Variants in MCPH1 observed in about 807,000 individuals in gnomAD.
The protein encoded by MCPH1 is microcephalin 1, also known as microcephalin.
In MCPH1, 104 loss-of-function variants were observed where a neutral mutation model predicts 84.5. The ratio of observed to expected loss-of-function variants is 1.23; its 90% CI spans 1.05 to 1.45. The LOEUF is 1.45. MCPH1 is among the 40% of genes most tolerant of loss of function. MCPH1 has a pLI of 0.00. For synonymous variants in MCPH1, 514 were observed against 366.8 expected, an observed-to-expected ratio of 1.40 and a Z score of -4.58; for missense variants, 1,498 against 1,005.7, an observed-to-expected ratio of 1.49 and a Z score of -6.62.
chr8:6,630,251 TG>T (rs1441949237), intron 13 of MCPH1, among the ~76,000 whole-genome samples: 2 of 152,014 alleles, frequency 1.3e-5, no homozygotes, highest in African/African-American at 4.8e-5. Context: ...ATCCTGACAA[TG>T]TTGAAAAAGA....
At chr8:6,457,780 G>C (rs1167422027) in intron 9 of MCPH1, among the ~76,000 whole-genome samples, 2 of 152,096 alleles carry the variant, frequency 1.3e-5, no homozygotes, top group African/African-American at 4.8e-5. Context: ...CAAGACCTAG[G>C]TTTCCCCTCT....
intron 13 of MCPH1, among the ~76,000 whole-genome samples, chr8:6,638,703 G>T (rs2911997): frequency 0.021 from 3,133 of 151,938 alleles, 113 homozygotes; most frequent in African/African-American, 0.071. Flanking sequence ...TCTGTCCTAC[G>T]GCCACATTTT....
chr8:6,506,810 T>G (rs975528828), intron 12 of MCPH1, among the ~76,000 whole-genome samples: 1 of 152,086 alleles, frequency 6.6e-6, no homozygotes, highest in African/African-American at 2.4e-5. Flanking sequence ...GCCTGATTCT[T>G]TCAGCATAAA....
At chr8:6,436,279 C>G (rs1469542735) in intron 5 of MCPH1, 117 bp downstream of exon 5, 1 of 1,147,812 alleles carries the variant, frequency 8.7e-7, no homozygotes, top group Admixed American at 2.6e-5. Context: ...GATAGCTTTA[C>G]TCTATGAAGG....
intron 3 of MCPH1, among the ~76,000 whole-genome samples, chr8:6,429,242 G>A (rs1801492367): frequency 6.6e-6 from 1 of 152,138 alleles, no homozygotes; most frequent in Non-Finnish European, 1.5e-5. Context: ...CCTGAGCTTG[G>A]CCTGGTGTCC....
intron 8 of MCPH1, among the ~76,000 whole-genome samples, chr8:6,449,649 A>G (rs575887237): frequency 6.6e-6 from 1 of 152,240 alleles, no homozygotes; most frequent in Non-Finnish European, 1.5e-5. Context: ...GAAAAAAAAA[A>G]AAAGAAATAG....
Position 6,609,828 on chromosome 8 carries a change from C to CA in MCPH1, c.2215-11626_2215-11625insA, listed in dbSNP as rs1554476434. 6.8e-4 allele frequency among the ~76,000 whole-genome samples: 74 copies of CA among 108,854 alleles called. 4 individuals are homozygous for CA. The highest frequency in any genetic ancestry group is 1.9e-3 in the East Asian group (8 of 4,318). The allele number at this position is 108,854 out of a possible 152,430, so 71.4% of individuals were successfully genotyped here. ...CAAAGCAATGCCCCCCGCCCCCCCC[C>CA]CACACACAGACTGCCAGGTAAACCA... On this transcript the variant is annotated intron_variant, in intron 12 of 13. Coordinates refer to ENST00000344683, the MANE Select transcript of MCPH1 (RefSeq NM_024596.5).
chr8:6,582,555 A>G (rs1827642024), intron 12 of MCPH1, among the ~76,000 whole-genome samples: 1 of 151,978 alleles, frequency 6.6e-6, no homozygotes, highest in African/African-American at 2.4e-5. Flanking sequence ...TTTTAATGCT[A>G]TTTTTTGTTT....
chr8:6,591,565 A>G (rs1828461680), intron 12 of MCPH1, among the ~76,000 whole-genome samples: 1 of 152,226 alleles, frequency 6.6e-6, no homozygotes, highest in Non-Finnish European at 1.5e-5. Context: ...AGAGTATCCT[A>G]AGAGCACTTT....
intron 13 of MCPH1, among the ~76,000 whole-genome samples, chr8:6,622,677 C>T (rs1184294132): frequency 6.6e-6 from 1 of 152,162 alleles, no homozygotes; most frequent in African/African-American, 2.4e-5. Flanking sequence ...TCCCCTGAGG[C>T]CTCTCTCCTG....
At position 6,439,052 on chromosome 8, in the gene MCPH1, G is replaced by A; in HGVS notation, c.536G>A (p.Arg179Lys). The change falls in exon 6 of 14, where the codon AGA (arginine) becomes AAA (lysine). Residue 179 changes from arginine to lysine, a missense_variant. Coordinates refer to ENST00000344683, the MANE Select transcript of MCPH1 (RefSeq NM_024596.5). ...NSRHHSAMEK[R>K]LQEMKEKREN... ...AGGCACCACAGCGCAATGGAGAAGAGATTACAAGAGATGAAGGAGAAAAGG... is the reference window on the plus strand; with the variant it reads ...AGGCACCACAGCGCAATGGAGAAGAAATTACAAGAGATGAAGGAGAAAAGG... 1 of 1,613,442 alleles carries A rather than the reference G, an allele frequency of 6.2e-7. No individual in the cohort carries two copies. Among genetic ancestry groups the A allele is most frequent in the South Asian group, 1.1e-5 (1 of 91,068 alleles).
chr8:6,534,688 C>G (rs1820182070), intron 12 of MCPH1, among the ~76,000 whole-genome samples: 1 of 152,020 alleles, frequency 6.6e-6, no homozygotes. Context: ...ACCCGGCAGG[C>G]CAGCAACCAT....
At chr8:6,500,029 C>T in intron 12 of MCPH1, 100 bp downstream of exon 12, 3 of 923,732 alleles carry the variant, frequency 3.2e-6, no homozygotes, top group Middle Eastern at 3.0e-4. Context: ...CAGTCAAGCA[C>T]AATTATGCCC....
intron 11 of MCPH1, among the ~76,000 whole-genome samples, chr8:6,482,747 A>G (rs1198054881): frequency 4.6e-5 from 7 of 152,326 alleles, no homozygotes; most frequent in Middle Eastern, 3.4e-3. Context: ...TCATACATAG[A>G]AACAGAACTG....
chr8:6,609,509 T>C (rs970633943), intron 12 of MCPH1, among the ~76,000 whole-genome samples: 3 of 152,228 alleles, frequency 2.0e-5, no homozygotes, highest in South Asian at 2.1e-4. Flanking sequence ...TTGGCGCTCA[T>C]TGAGTTCCAG....
At chr8:6,556,673 G>C (rs1009660278) in intron 12 of MCPH1, among the ~76,000 whole-genome samples, 4 of 151,934 alleles carry the variant, frequency 2.6e-5, no homozygotes, top group African/African-American at 7.3e-5. Context: ...GAGCGCAATG[G>C]CACCATCATA....
intron 12 of MCPH1, among the ~76,000 whole-genome samples, chr8:6,570,637 G>A (rs773844293): frequency 6.6e-6 from 1 of 152,114 alleles, no homozygotes; most frequent in African/African-American, 2.4e-5. Context: ...TTAGTGGGAA[G>A]GATCACAGTT....
At chr8:6,605,950 G>A (rs769007660) in intron 12 of MCPH1, among the ~76,000 whole-genome samples, 10 of 152,054 alleles carry the variant, frequency 6.6e-5, no homozygotes, top group Non-Finnish European at 1.2e-4. Context: ...ACCCCCCTTG[G>A]CCCCCCAGAA....
intron 13 of MCPH1, 23 bp downstream of exon 13, chr8:6,621,714 G>C (rs745486618): frequency 6.2e-7 from 1 of 1,613,734 alleles, no homozygotes; most frequent in African/African-American, 1.3e-5. Context: ...GCACACAGAC[G>C]CTGTGGTGTG....
Sources: gnomAD v4.1 joint callset for allele counts (sites outside exome capture counted in the v4.1 genomes callset) on GRCh38, gnomAD v4.1.1 for gene constraint, MANE v1.5 for transcripts, NCBI Gene and HGNC (gene_info 2026-07-23, HGNC 2026-07-21) for gene names.